Variants in NKAIN2 observed in about 807,000 individuals in gnomAD.
NKAIN2 encodes sodium/potassium transporting ATPase interacting 2.
NKAIN2 carries 14 observed loss-of-function variants against 32.6 expected under a neutral mutation model. The ratio of observed to expected loss-of-function variants is 0.43; its 90% CI spans 0.28 to 0.67. The LOEUF (loss-of-function observed/expected upper bound fraction) is 0.67, where lower values mean the gene tolerates loss of function less well. Ranked by LOEUF, NKAIN2 falls within the 30% of genes least tolerant of loss-of-function variation. The pLI is 0.17. For missense variants in NKAIN2, 198 were observed against 258.3 expected (o/e 0.77, Z 1.60); for synonymous variants, 80 against 87.2 (o/e 0.92, Z 0.46).
intron 3 of NKAIN2, among the ~76,000 whole-genome samples, chr6:124,578,888 GGA>G (rs747268236): frequency 3.3e-5 from 5 of 152,030 alleles, no homozygotes; most frequent in African/African-American, 1.2e-4. Flanking sequence ...ATAGCAGGGT[GGA>G]GAGAGAGAGA....
At chr6:123,999,348 C>T (rs1483438520) in intron 1 of NKAIN2, among the ~76,000 whole-genome samples, 20 of 152,094 alleles carry the variant, frequency 1.3e-4, no homozygotes, top group Admixed American at 1.1e-3. Context: ...TGTCTGGGGT[C>T]AGCTTGCCAT....
At chr6:124,221,337 A>G (rs1020622230) in intron 1 of NKAIN2, among the ~76,000 whole-genome samples, 2 of 147,868 alleles carry the variant, frequency 1.4e-5, no homozygotes, top group African/African-American at 5.0e-5. Context: ...ATTCTCACTC[A>G]TAGGTGGGAA....
chr6:124,196,489 T>C (rs1385741478), intron 1 of NKAIN2, among the ~76,000 whole-genome samples: 1 of 152,086 alleles, frequency 6.6e-6, no homozygotes. Context: ...GATTTGGTTT[T>C]AATTGTGAGC....
At chr6:123,869,812 G>T (rs1395296694) in intron 1 of NKAIN2, among the ~76,000 whole-genome samples, 1 of 152,098 alleles carries the variant, frequency 6.6e-6, no homozygotes, top group Non-Finnish European at 1.5e-5. Flanking sequence ...TACTTTAAAG[G>T]ATAGCCCTGG....
At chr6:124,364,994 A>G (rs1177378093) in intron 3 of NKAIN2, among the ~76,000 whole-genome samples, 1 of 151,940 alleles carries the variant, frequency 6.6e-6, no homozygotes, top group Non-Finnish European at 1.5e-5. Context: ...TTAGATTATA[A>G]TAGTTCAAGA....
rs554710974 is a variant in NKAIN2 at position 124,074,743 on chromosome 6, CAG to C, written c.55-208259_55-208258del. ...AAAATCTTAATCCTTGTTTAGCTTT[CAG>C]AGTTACACCCTCTTGGAAGTCCATG... On this transcript the variant is annotated intron_variant, in intron 1 of 6. Coordinates refer to ENST00000368417, the MANE Select transcript of NKAIN2 (RefSeq NM_001040214.3). 5.0e-3 allele frequency among the ~76,000 whole-genome samples: 767 copies of C among 152,280 alleles called. 6 individuals are homozygous for C. The highest frequency in any genetic ancestry group is 0.02 in the Middle Eastern group (6 of 294).
At chr6:124,579,645 G>A (rs1479819145) in intron 3 of NKAIN2, among the ~76,000 whole-genome samples, 1 of 152,180 alleles carries the variant, frequency 6.6e-6, no homozygotes, top group Non-Finnish European at 1.5e-5. Context: ...TAGAGAGAGA[G>A]ATAGGGGTAG....
chr6:124,632,810 A>G (rs1783621132), intron 3 of NKAIN2, among the ~76,000 whole-genome samples: 1 of 152,252 alleles, frequency 6.6e-6, no homozygotes, highest in South Asian at 2.1e-4. Context: ...GACAGGAGAC[A>G]AATCTTACTT....
chr6:124,110,625 G>A (rs925388442), intron 1 of NKAIN2, among the ~76,000 whole-genome samples: 12 of 151,908 alleles, frequency 7.9e-5, no homozygotes, highest in Non-Finnish European at 1.3e-4. Context: ...TAGCTCCCAC[G>A]TATCAGTAAG....
At chr6:123,931,820 A>G (rs1776264672) in intron 1 of NKAIN2, among the ~76,000 whole-genome samples, 1 of 152,058 alleles carries the variant, frequency 6.6e-6, no homozygotes, top group South Asian at 2.1e-4. Flanking sequence ...CTTCTATATT[A>G]CTTCACTCTG....
intron 3 of NKAIN2, among the ~76,000 whole-genome samples, chr6:124,485,164 G>A (rs1777604831): frequency 6.6e-6 from 1 of 152,092 alleles, no homozygotes; most frequent in Non-Finnish European, 1.5e-5. Flanking sequence ...CAAAGGATGG[G>A]CCAGGACCAG....
At chr6:123,917,268 A>G (rs191846140) in intron 1 of NKAIN2, among the ~76,000 whole-genome samples, 2,033 of 152,192 alleles carry the variant, frequency 0.013, 28 homozygotes, top group Middle Eastern at 0.031. Context: ...CCATTAGCAT[A>G]AATATAACAT....
chr6:124,100,464 AG>A (rs1485028042), intron 1 of NKAIN2, among the ~76,000 whole-genome samples: 3 of 152,244 alleles, frequency 2.0e-5, no homozygotes, highest in Admixed American at 6.5e-5. Context: ...GTTTACAAGG[AG>A]CCAAGAGACA....
intron 1 of NKAIN2, among the ~76,000 whole-genome samples, chr6:124,002,248 A>G (rs572300762): frequency 6.6e-6 from 1 of 152,120 alleles, no homozygotes; most frequent in African/African-American, 2.4e-5. Context: ...ATTATCAGAC[A>G]TTCTCAGATA....
chr6:124,674,285 T>A (rs1562317763), intron 4 of NKAIN2, among the ~76,000 whole-genome samples: 1 of 152,048 alleles, frequency 6.6e-6, no homozygotes, highest in South Asian at 2.1e-4. Flanking sequence ...TGTTTTGAAG[T>A]CAGGACGTGT....
At chr6:124,136,395 A>T (rs1220267986) in intron 1 of NKAIN2, among the ~76,000 whole-genome samples, 3 of 152,156 alleles carry the variant, frequency 2.0e-5, no homozygotes, top group Non-Finnish European at 4.4e-5. Context: ...AAAGTCCAGG[A>T]TCAGATGGAT....
intron 1 of NKAIN2, among the ~76,000 whole-genome samples, chr6:123,862,045 C>G (rs920603811): frequency 5.3e-5 from 8 of 152,170 alleles, no homozygotes; most frequent in African/African-American, 1.7e-4. Context: ...TGACATTCTT[C>G]TAAAGGCTAT....
At chr6:124,554,684 G>T (rs1418608587) in intron 3 of NKAIN2, among the ~76,000 whole-genome samples, 1 of 152,198 alleles carries the variant, frequency 6.6e-6, no homozygotes, top group African/African-American at 2.4e-5. Context: ...GCAATAAATG[G>T]TGTCTTGTTT....
chr6:124,655,042 A>G (rs540556828), intron 3 of NKAIN2, among the ~76,000 whole-genome samples: 7 of 152,322 alleles, frequency 4.6e-5, no homozygotes, highest in East Asian at 3.9e-4. Context: ...TAAATCCAGC[A>G]TAATTCGCTG....
Sources: gnomAD v4.1 joint callset for allele counts (sites outside exome capture counted in the v4.1 genomes callset) on GRCh38, gnomAD v4.1.1 for gene constraint, MANE v1.5 for transcripts, NCBI Gene and HGNC (gene_info 2026-07-23, HGNC 2026-07-21) for gene names.